Variants in THRB observed in about 807,000 individuals in gnomAD.
THRB encodes thyroid hormone receptor beta, also known as nuclear receptor subfamily 1 group A member 2.
In THRB, 12 loss-of-function variants were observed where a neutral mutation model predicts 47.8. The ratio of observed to expected loss-of-function variants is 0.25; its 90% confidence interval spans 0.16 to 0.41. The LOEUF (loss-of-function observed/expected upper bound fraction) is 0.41, where lower values mean the gene tolerates loss of function less well. THRB is among the 10% of genes least tolerant of loss of function. The probability of loss-of-function intolerance (pLI) is 1.00; values close to 1 mark genes in which losing one functional copy is unlikely to be tolerated. For missense variants in THRB, 348 were observed against 589.2 expected (o/e 0.59, Z 4.24); for synonymous variants, 218 against 212.2 (o/e 1.03, Z -0.24).
At chr3:24,312,298 A>G (rs1203827458) in intron 2 of THRB, among the ~76,000 whole-genome samples, 1 of 152,248 alleles carries the variant, frequency 6.6e-6, no homozygotes, top group Non-Finnish European at 1.5e-5. Context: ...TCTGAAAAGC[A>G]GCAAGAAAGT....
chr3:24,356,585 C>T (rs1286184156), intron 1 of THRB, among the ~76,000 whole-genome samples: 4 of 152,086 alleles, frequency 2.6e-5, no homozygotes, highest in African/African-American at 9.7e-5. Flanking sequence ...TGCTAAGACC[C>T]CACTAGAACT....
At chr3:24,214,341 A>G (rs1340739603) in intron 4 of THRB, among the ~76,000 whole-genome samples, 1 of 152,226 alleles carries the variant, frequency 6.6e-6, no homozygotes, top group East Asian at 1.9e-4. Flanking sequence ...CCCCCAGACT[A>G]TTCTGCATTT....
At chr3:24,415,107 A>G (rs1473709673) in intron 1 of THRB, among the ~76,000 whole-genome samples, 1 of 151,814 alleles carries the variant, frequency 6.6e-6, no homozygotes, top group Non-Finnish European at 1.5e-5. Flanking sequence ...TGCTGCATCA[A>G]AGGCAAGGCA....
intron 4 of THRB, among the ~76,000 whole-genome samples, chr3:24,197,403 C>A (rs977097676): frequency 3.3e-5 from 5 of 152,204 alleles, no homozygotes; most frequent in Admixed American, 6.5e-5. Context: ...TGGTTTGGGG[C>A]AAATTGCTCT....
intron 1 of THRB, among the ~76,000 whole-genome samples, chr3:24,416,090 C>T (rs1001183730): frequency 1.3e-5 from 2 of 151,764 alleles, no homozygotes; most frequent in African/African-American, 4.8e-5. Flanking sequence ...TGTGAAATTT[C>T]ACGTCAATGA....
chr3:24,145,646 C>G (rs2035987308), intron 7 of THRB, among the ~76,000 whole-genome samples: 1 of 152,134 alleles, frequency 6.6e-6, no homozygotes, highest in Non-Finnish European at 1.5e-5. Context: ...TAACATAACC[C>G]TCTTCCTTTT....
chr3:24,330,072 G>A (rs1217694816), intron 2 of THRB, among the ~76,000 whole-genome samples: 4 of 152,298 alleles, frequency 2.6e-5, no homozygotes, highest in South Asian at 2.1e-4. Flanking sequence ...TTGGGAGGCC[G>A]AGGCGGGTGG....
intron 3 of THRB, among the ~76,000 whole-genome samples, chr3:24,239,337 T>A (rs2049240437): frequency 6.6e-6 from 1 of 152,118 alleles, no homozygotes; most frequent in Non-Finnish European, 1.5e-5. Context: ...AGGTGCATGG[T>A]ATAGCACACA....
chr3:24,249,555 A>C (rs879701028), intron 3 of THRB, among the ~76,000 whole-genome samples: 1 of 152,042 alleles, frequency 6.6e-6, no homozygotes, highest in Non-Finnish European at 1.5e-5. Context: ...TCTAACCCAG[A>C]ACTTAAACAA....
intron 3 of THRB, among the ~76,000 whole-genome samples, chr3:24,292,338 A>G (rs2056012635): frequency 6.6e-6 from 1 of 152,174 alleles, no homozygotes; most frequent in African/African-American, 2.4e-5. Context: ...GATTGCTTTT[A>G]CTAAAATGCT....
rs573557133 is a variant in THRB at position 24,233,088 on chromosome 3, C to T, written c.-42-4087G>A. Among the ~76,000 whole-genome samples, 231 of 152,302 alleles carry T rather than the reference C, an allele frequency of 1.5e-3. 1 individual carries two copies. Among genetic ancestry groups the T allele is most frequent in the African/African-American group, 5.3e-3 (222 of 41,562 alleles). ...TCCCTTAAATAAAGCTCATTCCACT[C>T]ATTGGAAGAGTAGAAAAGCAGGCAT... On this transcript the variant is annotated intron_variant, in intron 3 of 10. Coordinates refer to ENST00000646209, the MANE Select transcript of THRB (RefSeq NM_001354712.2).
At chr3:24,447,263 A>G (rs1040998911) in intron 1 of THRB, among the ~76,000 whole-genome samples, 1 of 152,226 alleles carries the variant, frequency 6.6e-6, no homozygotes, top group Admixed American at 6.5e-5. Context: ...ATGCATTACC[A>G]TGAGAAAACC....
intron 8 of THRB, among the ~76,000 whole-genome samples, chr3:24,142,381 G>A (rs528610137): frequency 3.3e-5 from 5 of 152,324 alleles, no homozygotes; most frequent in South Asian, 2.1e-4. Context: ...TCATTACAAC[G>A]AAAGTAATTG....
intron 4 of THRB, among the ~76,000 whole-genome samples, chr3:24,209,855 C>T (rs1236301862): frequency 6.6e-6 from 1 of 151,888 alleles, no homozygotes; most frequent in Non-Finnish European, 1.5e-5. Context: ...GAAAAAAAAT[C>T]ACAGCTTAAG....
intron 4 of THRB, among the ~76,000 whole-genome samples, chr3:24,193,813 T>C (rs1343659760): frequency 1.3e-5 from 2 of 150,950 alleles, no homozygotes; most frequent in African/African-American, 2.5e-5. Context: ...AAAAAGACAT[T>C]TGCACACACA....
intron 2 of THRB, among the ~76,000 whole-genome samples, chr3:24,327,893 A>G (rs2061691140): frequency 6.6e-6 from 1 of 152,228 alleles, no homozygotes; most frequent in African/African-American, 2.4e-5. Context: ...AGAACAACAC[A>G]TTGGCAATGC....
intron 3 of THRB, among the ~76,000 whole-genome samples, chr3:24,238,287 G>A (rs1317908399): frequency 1.6e-5 from 2 of 121,900 alleles, no homozygotes; most frequent in South Asian, 3.0e-4. Context: ...GTGGGGGGGG[G>A]GGGGGTGTGT....
Position 24,152,625 on chromosome 3 carries a change from C to G in THRB, c.284-135G>C, listed in dbSNP as rs2037145402. ...TAACAACAGTAAAGACTTAGTGAAA[C>G]CAAACGGTAAGAATTTTATACTCAT... On this transcript the variant is annotated intron_variant, in intron 5 of 10. Coordinates refer to ENST00000646209, the MANE Select transcript of THRB (RefSeq NM_001354712.2). 3 of 673,514 alleles carry G rather than the reference C, an allele frequency of 4.5e-6. No homozygotes were observed. The South Asian group carries it at 4.8e-5, about 11-fold the overall frequency. 41.7% of individuals were successfully genotyped at this position (673,514 alleles called of 1,614,324 possible).
intron 1 of THRB, among the ~76,000 whole-genome samples, chr3:24,396,600 T>C (rs145007715): frequency 9.5e-4 from 145 of 152,226 alleles, no homozygotes; most frequent in Non-Finnish European, 1.9e-3. Flanking sequence ...GGAAAGAAAC[T>C]ATGCACCACT....
Sources: allele counts gnomAD v4.1 joint callset (sites outside exome capture counted in the v4.1 genomes callset), GRCh38; gene constraint gnomAD v4.1.1; transcripts MANE v1.5; gene names NCBI Gene and HGNC (gene_info 2026-07-23, HGNC 2026-07-21).